R3HCC1L: variants seen among roughly 807,000 people sequenced by gnomAD.
R3HCC1L encodes coiled-coil domain-containing protein R3HCC1L.
Under a neutral mutation model 59.9 loss-of-function variants are expected in R3HCC1L, and 51 were observed. The ratio of observed to expected loss-of-function variants is 0.85; its 90% CI spans 0.68 to 1.07. R3HCC1L has a LOEUF of 1.07. R3HCC1L is among the 50% of genes least tolerant of loss of function. The pLI, the probability that R3HCC1L is intolerant of heterozygous loss-of-function variation, is 0.00. For synonymous variants in R3HCC1L, 322 were observed against 315.2 expected (o/e 1.02, Z -0.23); for missense variants, 965 against 933.0 (o/e 1.03, Z -0.45).
At chr10:98,149,265 A>G (rs1282066355) in intron 1 of R3HCC1L, among the ~76,000 whole-genome samples, 1 of 151,962 alleles carries the variant, frequency 6.6e-6, no homozygotes, top group African/African-American at 2.4e-5. Context: ...CTTTTTTCTT[A>G]GTTTAGCTGA....
At chr10:98,161,580 C>T (rs1847422314) in intron 2 of R3HCC1L, among the ~76,000 whole-genome samples, 1 of 152,102 alleles carries the variant, frequency 6.6e-6, no homozygotes, top group Admixed American at 6.5e-5. Flanking sequence ...TGGTAAATAA[C>T]TCACCTGTGT....
intron 4 of R3HCC1L, among the ~76,000 whole-genome samples, chr10:98,176,508 A>G (rs1849031356): frequency 6.6e-6 from 1 of 152,098 alleles, no homozygotes; most frequent in Admixed American, 6.6e-5. Flanking sequence ...GATGTAAATG[A>G]TACTCTTCGA....
At chr10:98,223,083 G>T (rs893693084) in intron 5 of R3HCC1L, among the ~76,000 whole-genome samples, 5 of 152,026 alleles carry the variant, frequency 3.3e-5, no homozygotes, top group Non-Finnish European at 7.4e-5. Context: ...GGACCAGATG[G>T]ATTCACAGCT....
chr10:98,234,340 G>T (rs1001105055), intron 6 of R3HCC1L, 106 bp from the exon 7 acceptor site: 8 of 995,542 alleles, frequency 8.0e-6, no homozygotes, highest in Admixed American at 2.0e-5. Flanking sequence ...CTGTGCACTC[G>T]TTGAGTGTTT....
rs1167711100 is a variant in R3HCC1L, at chr10:98,209,410, T to C, written c.1296T>C (p.Asn432=). The C allele has an allele frequency of 6.2e-7, 1 of 1,613,816 alleles. No homozygotes were observed. Among genetic ancestry groups the C allele is most frequent in the East Asian group, 2.2e-5 (1 of 44,874 alleles). ...CTCTTCATGTAGCTAGAAGTGGGAA[T>C]GACACTGAAGATTTCAGCAACCCTT... is the stretch of plus-strand genomic sequence containing the variant. The part of the protein sequence containing the change: ...ATPLHVARSG[N]DTEDFSNPSA... Residue 432 remains asparagine, a synonymous_variant, in exon 5 of 10, where the codon AAT becomes AAC. Coordinates refer to ENST00000298999, the MANE Select transcript of R3HCC1L (RefSeq NM_001351015.2).
At chr10:98,188,973 C>T (rs1185501084) in intron 4 of R3HCC1L, among the ~76,000 whole-genome samples, 1 of 152,050 alleles carries the variant, frequency 6.6e-6, no homozygotes, top group Non-Finnish European at 1.5e-5. Context: ...CTATTTTGAA[C>T]ATAAAATAGT....
intron 2 of R3HCC1L, among the ~76,000 whole-genome samples, chr10:98,157,012 T>G (rs897608981): frequency 1.3e-5 from 2 of 152,236 alleles, no homozygotes; most frequent in Non-Finnish European, 2.9e-5. Flanking sequence ...CACATTTGAT[T>G]AATATAGTTT....
chr10:98,165,223 C>T (rs1426348723), intron 4 of R3HCC1L, among the ~76,000 whole-genome samples: 1 of 152,192 alleles, frequency 6.6e-6, no homozygotes, highest in African/African-American at 2.4e-5. Context: ...GAGATTGCGC[C>T]AGTGCACTTC....
chr10:98,137,074 G>C (rs1188892893), intron 1 of R3HCC1L, among the ~76,000 whole-genome samples: 1 of 151,762 alleles, frequency 6.6e-6, no homozygotes, highest in African/African-American at 2.4e-5. Context: ...AGCTGGGCGT[G>C]GTGGCGTGCG....
chr10:98,217,950 C>G (rs1378801036), intron 5 of R3HCC1L, among the ~76,000 whole-genome samples: 1 of 152,028 alleles, frequency 6.6e-6, no homozygotes, highest in Non-Finnish European at 1.5e-5. Context: ...AAGATCATTT[C>G]ATCTTCAAAG....
intron 1 of R3HCC1L, among the ~76,000 whole-genome samples, chr10:98,152,864 C>T (rs7083189): frequency 0.68 from 100,508 of 148,674 alleles, 34,127 homozygotes; most frequent in African/African-American, 0.76. Flanking sequence ...TGAGGAGCGT[C>T]TCCGCCCGGC....
chr10:98,199,176 C>T (rs1426955998), intron 4 of R3HCC1L, among the ~76,000 whole-genome samples: 2 of 152,064 alleles, frequency 1.3e-5, no homozygotes, highest in Admixed American at 6.6e-5. Context: ...AGTCCTAGAT[C>T]ATTCTTAAAC....
intron 4 of R3HCC1L, among the ~76,000 whole-genome samples, chr10:98,181,089 G>GT: frequency 6.6e-6 from 1 of 152,200 alleles, no homozygotes; most frequent in East Asian, 1.9e-4. Flanking sequence ...TGATCCTGTC[G>GT]TTATGATGTT....
intron 1 of R3HCC1L, among the ~76,000 whole-genome samples, chr10:98,154,645 ATT>A (rs1468106789): frequency 6.6e-6 from 1 of 152,200 alleles, no homozygotes; most frequent in East Asian, 1.9e-4. Flanking sequence ...TGTAGACTTT[ATT>A]TTGAATGGTC....
chr10:98,209,078 A>C lies in R3HCC1L; in HGVS notation c.964A>C (p.Asn322His). 6.2e-7 allele frequency: 1 copy of C among 1,614,014 alleles called. No homozygotes were observed. Among genetic ancestry groups the C allele is most frequent in the Non-Finnish European group, 8.5e-7 (1 of 1,179,932 alleles). Reference protein sequence around the residue: ...MGHISLSESTNDTVSPVMIRE... With the variant: ...MGHISLSESTHDTVSPVMIRE... The stretch of plus-strand genomic sequence containing the variant: ...TCACATCTCTCTGTCAGAGAGCACA[A>C]ATGACACTGTTAGTCCAGTAATGAT... The change falls in exon 5 of 10, where the codon AAT (asparagine) becomes CAT (histidine). Residue 322 changes from asparagine to histidine, a missense_variant. Physicochemically the swap from Asn to His is moderately conservative, Grantham distance 68. Transcript: ENST00000298999.
intron 9 of R3HCC1L, among the ~76,000 whole-genome samples, chr10:98,243,161 T>C (rs1000235123): frequency 2.0e-5 from 3 of 152,246 alleles, no homozygotes; most frequent in African/African-American, 7.2e-5. Flanking sequence ...AGGAAAGATA[T>C]ATCAGAATAG....
At chr10:98,235,632 TAAAAG>T in intron 8 of R3HCC1L, 112 bp downstream of exon 8, 1 of 821,318 alleles carries the variant, frequency 1.2e-6, no homozygotes, top group Non-Finnish European at 1.9e-6. Context: ...TTTTTAGTGT[TAAAAG>T]AAATATGTTT....
intron 4 of R3HCC1L, among the ~76,000 whole-genome samples, chr10:98,183,591 A>G (rs1849885773): frequency 6.6e-6 from 1 of 151,950 alleles, no homozygotes; most frequent in Non-Finnish European, 1.5e-5. Flanking sequence ...AGTTACACAT[A>G]TGTTAGAGTA....
intron 5 of R3HCC1L, among the ~76,000 whole-genome samples, chr10:98,224,401 T>C (rs1013227953): frequency 5.9e-5 from 9 of 152,198 alleles, no homozygotes; most frequent in African/African-American, 1.9e-4. Flanking sequence ...TTGTTGATCT[T>C]GTGCTCTCTC....
Sources: gnomAD v4.1 joint callset for allele counts (sites outside exome capture counted in the v4.1 genomes callset) on GRCh38, gnomAD v4.1.1 for gene constraint, MANE v1.5 for transcripts, NCBI Gene and HGNC (gene_info 2026-07-23, HGNC 2026-07-21) for gene names.